CCR5AS: variants seen among roughly 807,000 people sequenced by gnomAD.
CCR5AS encodes CCR5 antisense RNA.
chr3:46,370,421 C>T (rs982240350), intron 3 of CCR5AS, among the ~76,000 whole-genome samples: 8 of 150,870 alleles, frequency 5.3e-5, no homozygotes, highest in African/African-American at 4.9e-5. Flanking sequence ...ATAGGGGATA[C>T]GGGGAGAGTG....
chr3:46,378,382 T>C lies in CCR5AS; in HGVS notation n.392-6965A>G, dbSNP rs543515494. ...CTGACTTCTATTTGCCTCCTTATTG[T>C]TACTACGTGGTTTGATAATCCGTTT... On this transcript the variant is annotated intron_variant and non_coding_transcript_variant, in intron 2 of 3. Transcript: ENST00000451485. Among the ~76,000 whole-genome samples, 9 of 152,340 alleles carry C rather than the reference T, an allele frequency of 5.9e-5. No individual in the cohort carries two copies. In the South Asian group the frequency reaches 1.0e-3, roughly 18 times the overall value.
At chr3:46,390,360 G>A (rs980796728) in intron 2 of CCR5AS, among the ~76,000 whole-genome samples, 4 of 152,172 alleles carry the variant, frequency 2.6e-5, no homozygotes, top group Admixed American at 6.5e-5. Flanking sequence ...TCAACAAGAC[G>A]AAGATCCTGA....
chr3:46,375,828 A>G (rs1180130738), intron 2 of CCR5AS: 1 of 166,706 alleles, frequency 6.0e-6, no homozygotes, highest in Non-Finnish European at 1.5e-5. Context: ...TCTGTCTCAT[A>G]TGATTGTGCA....
intron 2 of CCR5AS, among the ~76,000 whole-genome samples, chr3:46,384,620 A>G (rs926885738): frequency 9.9e-5 from 15 of 152,246 alleles, no homozygotes; most frequent in Non-Finnish European, 1.5e-4. Flanking sequence ...TCTGAGAGCC[A>G]GATGAGGATG....
intron 2 of CCR5AS, among the ~76,000 whole-genome samples, chr3:46,382,889 A>C (rs1701828016): frequency 2.0e-5 from 3 of 152,210 alleles, no homozygotes; most frequent in Admixed American, 2.0e-4. Flanking sequence ...TCAGCTTTCT[A>C]ATCTGTAATT....
At chr3:46,384,708 G>A (rs1356320782) in intron 2 of CCR5AS, among the ~76,000 whole-genome samples, 2 of 152,334 alleles carry the variant, frequency 1.3e-5, no homozygotes, top group African/African-American at 4.8e-5. Context: ...GGATTAGTTA[G>A]AAGCTACTGA....
chr3:46,400,279 G>A (rs1036734497), intron 1 of CCR5AS, among the ~76,000 whole-genome samples: 1 of 152,212 alleles, frequency 6.6e-6, no homozygotes, highest in Admixed American at 6.5e-5. Context: ...GCTTGAGCCC[G>A]GCTGCTAAGT....
At chr3:46,375,691 C>G in intron 2 of CCR5AS, 1 of 166,850 alleles carries the variant, frequency 6.0e-6, no homozygotes. Flanking sequence ...GGTACTTATT[C>G]CAGATGCCTT....
At chr3:46,389,353 G>A (rs965787327) in intron 2 of CCR5AS, among the ~76,000 whole-genome samples, 1 of 152,134 alleles carries the variant, frequency 6.6e-6, no homozygotes, top group Non-Finnish European at 1.5e-5. Flanking sequence ...TGGCAGTTGG[G>A]GTGCTATAAA....
At chr3:46,401,329 C>G (rs736480) in intron 1 of CCR5AS, among the ~76,000 whole-genome samples, 8,231 of 152,246 alleles carry the variant, frequency 0.054, 739 homozygotes, top group African/African-American at 0.18. Context: ...TGATGCCCTT[C>G]CTTCCAAGAC....
chr3:46,396,065 C>G (rs375292540), intron 1 of CCR5AS, among the ~76,000 whole-genome samples: 2 of 152,150 alleles, frequency 1.3e-5, no homozygotes, highest in East Asian at 3.8e-4. Context: ...GCCTCACCAC[C>G]CAGACTGAAG....
intron 2 of CCR5AS, among the ~76,000 whole-genome samples, chr3:46,384,075 A>T (rs139470950): frequency 3.9e-5 from 6 of 152,356 alleles, no homozygotes; most frequent in African/African-American, 1.4e-4. Context: ...GGCAAAAGAA[A>T]GAGAAAAAAG....
At chr3:46,398,733 A>G (rs2106778202) in intron 1 of CCR5AS, among the ~76,000 whole-genome samples, 1 of 151,226 alleles carries the variant, frequency 6.6e-6, no homozygotes, top group African/African-American at 2.4e-5. Context: ...AATTTTTTCC[A>G]TTTTTTCAAG....
In CCR5AS at chr3:46,391,302, G is replaced by A. The variant is rs113540579; in HGVS notation, n.391+1523C>T. Among the ~76,000 whole-genome samples, 1,119 of 152,274 alleles carry A rather than the reference G, an allele frequency of 7.3e-3. 17 individuals are homozygous for A. Among genetic ancestry groups the A allele is most frequent in the African/African-American group, 0.025 (1,050 of 41,544 alleles). ...ATGTGGCTGGGGTTTCTCTTACAGC[G>A]GAGGCAAGTAATTGCAACTCAGAAA... On this transcript the variant is annotated intron_variant and non_coding_transcript_variant, in intron 2 of 3. Transcript: ENST00000451485.
At chr3:46,373,222 T>C (rs1701691898) in intron 2 of CCR5AS, 2 of 1,614,168 alleles carry the variant, frequency 1.2e-6, no homozygotes, top group East Asian at 2.2e-5. Flanking sequence ...TTGACAGGGC[T>C]CTATTTTATA....
At chr3:46,402,898 C>T (rs1458593071) in intron 1 of CCR5AS, among the ~76,000 whole-genome samples, 1 of 152,200 alleles carries the variant, frequency 6.6e-6, no homozygotes, top group Non-Finnish European at 1.5e-5. Context: ...TCCCGCCCTC[C>T]AGTCTCAAGT....
intron 2 of CCR5AS, chr3:46,375,573 A>G (rs1701744432): frequency 6.0e-6 from 1 of 166,566 alleles, no homozygotes; most frequent in Non-Finnish European, 1.5e-5. Context: ...AAAGGGGGGA[A>G]GGGACATATT....
intron 1 of CCR5AS, among the ~76,000 whole-genome samples, chr3:46,398,721 T>C (rs965185427): frequency 6.6e-6 from 1 of 152,198 alleles, no homozygotes; most frequent in African/African-American, 2.4e-5. Flanking sequence ...TTTTTCTTTT[T>C]TAATTTTTTC....
intron 2 of CCR5AS, among the ~76,000 whole-genome samples, chr3:46,390,795 T>C (rs1186427386): frequency 6.6e-6 from 1 of 152,142 alleles, no homozygotes; most frequent in East Asian, 1.9e-4. Flanking sequence ...AAAAGAATGT[T>C]GTCCAAGTTG....
Sources: allele counts gnomAD v4.1 joint callset (sites outside exome capture counted in the v4.1 genomes callset), GRCh38; gene constraint gnomAD v4.1.1; transcripts MANE v1.5; gene names NCBI Gene and HGNC (gene_info 2026-07-23, HGNC 2026-07-21).